The following LARP1B variants were observed in gnomAD, a reference collection of about 807,000 sequenced individuals.
LARP1B encodes the protein la-related protein 1B.
Under a neutral mutation model 114.2 loss-of-function variants are expected in LARP1B, and 76 were observed. The ratio of observed to expected loss-of-function variants is 0.67; its 90% CI spans 0.55 to 0.81. The LOEUF is 0.81. Ranked by LOEUF, LARP1B falls within the 30% of genes least tolerant of loss-of-function variation. The pLI, the probability that LARP1B is intolerant of heterozygous loss-of-function variation, is 0.00. For synonymous variants in LARP1B, 345 were observed against 348.0 expected (o/e 0.99, Z 0.10); for missense variants, 1,014 against 1,075.8 (o/e 0.94, Z 0.80).
chr4:128,219,561 C>T lies in LARP1B; in HGVS notation n.849-794C>T, dbSNP rs1309756259. Among the ~76,000 whole-genome samples the T allele has an allele frequency of 1.5e-3, 163 of 107,242 alleles. 1 individual carries two copies. Among genetic ancestry groups the T allele is most frequent in the African/African-American group, 5.5e-3 (151 of 27,620 alleles). The allele number at this position is 107,242 out of a possible 152,430, so 70.4% of individuals were successfully genotyped here. A position where few individuals can be genotyped will look rare whatever the true frequency, so the allele number is the denominator to read the frequency against. ...ATCGCAAGAACAAAAAACCAAACAC[C>T]GCATATTCTCACTCATAGGTGGGAA... On this transcript the variant is annotated intron_variant and non_coding_transcript_variant, in intron 6 of 7. Coordinates refer to the LARP1B transcript ENST00000503725.
intron 15 of LARP1B, among the ~76,000 whole-genome samples, chr4:128,193,824 G>A (rs888724846): frequency 5.3e-5 from 8 of 152,072 alleles, no homozygotes; most frequent in Non-Finnish European, 1.0e-4. Flanking sequence ...CACCATGTTG[G>A]TCAAGTTAGT....
chr4:128,157,360 T>C (rs1443334346), intron 11 of LARP1B, among the ~76,000 whole-genome samples: 1 of 151,828 alleles, frequency 6.6e-6, no homozygotes, highest in Non-Finnish European at 1.5e-5. Flanking sequence ...CAGAAAAGGG[T>C]GTAAGAGACA....
chr4:128,165,537 A>G (rs1236080744), intron 12 of LARP1B, among the ~76,000 whole-genome samples: 1 of 152,088 alleles, frequency 6.6e-6, no homozygotes, highest in Non-Finnish European at 1.5e-5. Flanking sequence ...AAATCATATA[A>G]AAGAATGATC....
At chr4:128,143,634 T>TA (rs11390261) in intron 11 of LARP1B, among the ~76,000 whole-genome samples, 52,219 of 152,028 alleles carry the variant, frequency 0.34, 10,056 homozygotes, top group Middle Eastern at 0.46. Flanking sequence ...TGTGCTGAGA[T>TA]ATCTCAGTGG....
At chr4:128,140,411 G>C (rs1245789373) in intron 11 of LARP1B, among the ~76,000 whole-genome samples, 1 of 152,128 alleles carries the variant, frequency 6.6e-6, no homozygotes, top group Admixed American at 6.5e-5. Context: ...AATGAAAGAA[G>C]TGAGGGTTCA....
At chr4:128,150,760 TAA>T (rs1055316640) in intron 11 of LARP1B, among the ~76,000 whole-genome samples, 1 of 151,816 alleles carries the variant, frequency 6.6e-6, no homozygotes, top group Non-Finnish European at 1.5e-5. Context: ...AAATGTAAAA[TAA>T]AAAAATAAAA....
intron 15 of LARP1B, among the ~76,000 whole-genome samples, chr4:128,198,896 G>T (rs1238239950): frequency 6.6e-6 from 1 of 152,170 alleles, no homozygotes; most frequent in Non-Finnish European, 1.5e-5. Context: ...GAGTGCAGAT[G>T]AGAAGGAAAA....
chr4:128,170,383 CTT>C (rs1374949060), intron 12 of LARP1B, among the ~76,000 whole-genome samples: 3 of 152,118 alleles, frequency 2.0e-5, no homozygotes, highest in Non-Finnish European at 4.4e-5. Flanking sequence ...AGTTCTATAT[CTT>C]TGCTGATTTT....
At chr4:128,155,400 C>T in intron 11 of LARP1B, 1 of 622,294 alleles carries the variant, frequency 1.6e-6, no homozygotes, top group Non-Finnish European at 2.9e-6. Flanking sequence ...TGTTCTGAGA[C>T]TTCAGGGAAC....
At chr4:128,068,338 C>G (rs550660804) in intron 1 of LARP1B, among the ~76,000 whole-genome samples, 1 of 149,658 alleles carries the variant, frequency 6.7e-6, no homozygotes, top group African/African-American at 2.5e-5. Flanking sequence ...TTTAAGAGAC[C>G]GAGTCTCACT....
chr4:128,182,046 T>A (rs936190287), intron 15 of LARP1B, among the ~76,000 whole-genome samples: 1 of 151,108 alleles, frequency 6.6e-6, no homozygotes, highest in Non-Finnish European at 1.5e-5. Context: ...TCTCCTGATC[T>A]CGTGATCTGC....
intron 9 of LARP1B, among the ~76,000 whole-genome samples, chr4:128,113,234 T>C (rs926469327): frequency 1.3e-5 from 2 of 152,208 alleles, no homozygotes; most frequent in Non-Finnish European, 2.9e-5. Context: ...CAAGTTCATA[T>C]TGCATCTTCA....
At chr4:128,062,190 C>T (rs1036758820) in intron 1 of LARP1B, 1 of 985,258 alleles carries the variant, frequency 1.0e-6, no homozygotes, top group African/African-American at 1.7e-5. Flanking sequence ...ACAGGTCCGC[C>T]ACCGCCCCCG....
intron 15 of LARP1B, among the ~76,000 whole-genome samples, chr4:128,193,372 CCA>C (rs1451596182): frequency 2.0e-5 from 3 of 151,916 alleles, no homozygotes; most frequent in African/African-American, 7.3e-5. Context: ...ATTAATACAC[CCA>C]CACACAAACA....
chr4:128,065,896 G>T (rs557675519), intron 1 of LARP1B, among the ~76,000 whole-genome samples: 16 of 152,146 alleles, frequency 1.1e-4, no homozygotes, highest in African/African-American at 3.4e-4. Flanking sequence ...GCTCACTGCA[G>T]CCTTGACCTC....
At chr4:128,122,608 G>A in intron 11 of LARP1B, 12 of 1,484,068 alleles carry the variant, frequency 8.1e-6, no homozygotes, top group Non-Finnish European at 9.8e-6. Context: ...TGGCTTTAGA[G>A]AGCACTCTTC....
In LARP1B at chr4:128,130,483, C is replaced by T. The variant is rs187718873; in HGVS notation, c.1524+8295C>T. 1.3e-4 allele frequency among the ~76,000 whole-genome samples: 20 copies of T among 152,276 alleles called. No individual in the cohort carries two copies. The East Asian group carries it at 2.7e-3, about 21-fold the overall frequency. ...ATTAGGGAGCTGCAAGTAAAAACAA[C>T]AATGAGATACTACTGTAGATTCATT... On this transcript the variant is annotated intron_variant, in intron 11 of 19. Transcript: ENST00000326639.
intron 6 of LARP1B, among the ~76,000 whole-genome samples, chr4:128,220,023 T>C (rs1759882204): frequency 6.6e-6 from 1 of 152,076 alleles, no homozygotes; most frequent in Non-Finnish European, 1.5e-5. Context: ...GTAGCTGGGA[T>C]TACAGGCATG....
intron 11 of LARP1B, chr4:128,155,385 G>A (rs1210355481): frequency 1.7e-6 from 1 of 592,018 alleles, no homozygotes; most frequent in African/African-American, 1.9e-5. Flanking sequence ...CGCCAGCCCG[G>A]GGCATGTTCT....
Sources: allele counts gnomAD v4.1 joint callset (sites outside exome capture counted in the v4.1 genomes callset), GRCh38; gene constraint gnomAD v4.1.1; transcripts MANE v1.5; gene names NCBI Gene and HGNC (gene_info 2026-07-23, HGNC 2026-07-21).